The following SPAG16 variants were observed in gnomAD, a reference collection of about 807,000 sequenced individuals.
SPAG16 encodes the protein sperm-associated antigen 16 protein.
A neutral mutation model predicts 80.4 loss-of-function variants in SPAG16; 86 were observed. The observed-to-expected ratio is 1.07, with a 90% CI of 0.90 to 1.28. SPAG16 has a LOEUF of 1.28. Ranked by LOEUF, SPAG16 falls within the 50% of genes most tolerant of loss-of-function variation. The probability of loss-of-function intolerance (pLI) is 0.00; values close to 1 mark genes in which losing one functional copy is unlikely to be tolerated. For synonymous variants in SPAG16, 294 were observed against 265.9 expected, an observed-to-expected ratio of 1.11 and a Z score of -1.03; for missense variants, 870 against 765.3, an observed-to-expected ratio of 1.14 and a Z score of -1.61.
chr2:213,898,348 G>C (rs1312942669), intron 11 of SPAG16, among the ~76,000 whole-genome samples: 2 of 152,156 alleles, frequency 1.3e-5, no homozygotes, highest in Non-Finnish European at 2.9e-5. Flanking sequence ...CTTTGGGTAA[G>C]GAATTCACAC....
At chr2:213,483,575 G>C (rs1371687329) in intron 9 of SPAG16, among the ~76,000 whole-genome samples, 1 of 152,166 alleles carries the variant, frequency 6.6e-6, no homozygotes, top group Admixed American at 6.5e-5. Context: ...GAATCACCTA[G>C]AAAGCTCACT....
chr2:213,331,414 C>G (rs1297709781), intron 5 of SPAG16, among the ~76,000 whole-genome samples: 1 of 152,134 alleles, frequency 6.6e-6, no homozygotes, highest in African/African-American at 2.4e-5. Context: ...TATATATGCA[C>G]CCAACACTGG....
intron 10 of SPAG16, among the ~76,000 whole-genome samples, chr2:213,764,798 T>C (rs1161829365): frequency 1.3e-5 from 2 of 152,210 alleles, no homozygotes; most frequent in Non-Finnish European, 2.9e-5. Flanking sequence ...AAGTATGTAA[T>C]ATATTCAATA....
At chr2:213,351,685 T>G (rs540090821) in intron 7 of SPAG16, among the ~76,000 whole-genome samples, 3 of 152,338 alleles carry the variant, frequency 2.0e-5, no homozygotes, top group Admixed American at 6.5e-5. Flanking sequence ...GCTTACATGA[T>G]GATAATACTC....
chr2:213,983,197 T>C (rs2045849336), intron 12 of SPAG16, among the ~76,000 whole-genome samples: 1 of 152,000 alleles, frequency 6.6e-6, no homozygotes, highest in Admixed American at 6.6e-5. Flanking sequence ...GTTTTACAAA[T>C]ATATGATTGA....
intron 11 of SPAG16, among the ~76,000 whole-genome samples, chr2:213,907,618 A>G (rs1442478291): frequency 1.3e-5 from 2 of 152,174 alleles, no homozygotes; most frequent in Non-Finnish European, 2.9e-5. Flanking sequence ...CAATAAATCA[A>G]CCTAAATGTC....
At chr2:213,710,903 A>G (rs1421331069) in intron 10 of SPAG16, among the ~76,000 whole-genome samples, 1 of 152,184 alleles carries the variant, frequency 6.6e-6, no homozygotes, top group African/African-American at 2.4e-5. Context: ...TTGTTTCCTC[A>G]TCACATGCTA....
intron 15 of SPAG16, among the ~76,000 whole-genome samples, chr2:214,405,215 T>A (rs2126153257): frequency 6.6e-6 from 1 of 152,106 alleles, no homozygotes. Flanking sequence ...CTTGAACTCC[T>A]GGACTCCAGC....
intron 14 of SPAG16, among the ~76,000 whole-genome samples, chr2:214,112,749 C>T (rs761289288): frequency 1.3e-5 from 2 of 151,060 alleles, no homozygotes; most frequent in Non-Finnish European, 2.9e-5. Context: ...GAATACAGCA[C>T]ACTGATGGCT....
At chr2:213,942,038 A>AT (rs201384174) in intron 12 of SPAG16, among the ~76,000 whole-genome samples, 241 of 151,882 alleles carry the variant, frequency 1.6e-3, no homozygotes, top group Middle Eastern at 0.01. Context: ...TGTTTACACC[A>AT]TTTTTTTTGC....
chr2:213,691,733 G>A (rs992859551), intron 10 of SPAG16, among the ~76,000 whole-genome samples: 3 of 152,092 alleles, frequency 2.0e-5, no homozygotes, highest in Admixed American at 1.3e-4. Flanking sequence ...CATACTATAT[G>A]ATTTGTGATT....
At chr2:214,241,565 T>C (rs1190841963) in intron 15 of SPAG16, among the ~76,000 whole-genome samples, 1 of 152,142 alleles carries the variant, frequency 6.6e-6, no homozygotes, top group African/African-American at 2.4e-5. Flanking sequence ...ATAAATTCCT[T>C]AGTGACGTTT....
intron 15 of SPAG16, among the ~76,000 whole-genome samples, chr2:214,230,704 A>T (rs76234439): frequency 0.023 from 3,475 of 152,018 alleles, 88 homozygotes; most frequent in African/African-American, 0.06. Flanking sequence ...ATTCTTGGAC[A>T]ATTTCCAAAA....
chr2:213,786,124 TTACTC>T (rs1293930200), intron 10 of SPAG16, among the ~76,000 whole-genome samples: 1 of 152,248 alleles, frequency 6.6e-6, no homozygotes, highest in African/African-American at 2.4e-5. Context: ...GATATAATAT[TTACTC>T]TATTTCTCTG....
chr2:213,468,515 A>G (rs1040444481), intron 9 of SPAG16, among the ~76,000 whole-genome samples: 1 of 130,528 alleles, frequency 7.7e-6, no homozygotes, highest in Admixed American at 7.5e-5. Flanking sequence ...ATATATATAT[A>G]TCTATGTATT....
chr2:214,257,028 C>A (rs6741126), intron 15 of SPAG16, among the ~76,000 whole-genome samples: 1 of 151,718 alleles, frequency 6.6e-6, no homozygotes, highest in Admixed American at 6.6e-5. Context: ...ATCTTGCAAT[C>A]CGTGGAAATG....
chr2:213,719,275 G>C (rs2066402528), intron 10 of SPAG16, among the ~76,000 whole-genome samples: 1 of 145,016 alleles, frequency 6.9e-6, no homozygotes, highest in African/African-American at 2.6e-5. Flanking sequence ...CTAGCTCAAG[G>C]ATTGTAAATA....
rs144170854 is a variant in SPAG16, at chr2:213,626,833, A to C, written c.1070+136743A>C. Among the ~76,000 whole-genome samples the C allele has an allele frequency of 4.9e-4, 75 of 152,004 alleles. No homozygotes were observed. The East Asian group carries it at 8.3e-3, about 17-fold the overall frequency. On this transcript the variant is annotated intron_variant, in intron 10 of 15. Coordinates refer to ENST00000331683, the MANE Select transcript of SPAG16 (RefSeq NM_024532.5). ...TGGCTACTTTTTGTAATTTTAATAG[A>C]GACGGTGTTTCACCATGTTGGCCAG... is the stretch of plus-strand genomic sequence containing the variant.
At chr2:214,062,211 G>C (rs1559748943) in intron 13 of SPAG16, among the ~76,000 whole-genome samples, 1 of 151,988 alleles carries the variant, frequency 6.6e-6, no homozygotes, top group Non-Finnish European at 1.5e-5. Context: ...CTTGAGGTCA[G>C]GAGTTCGAGA....
Sources: gnomAD v4.1 joint callset for allele counts (sites outside exome capture counted in the v4.1 genomes callset) on GRCh38, gnomAD v4.1.1 for gene constraint, MANE v1.5 for transcripts, NCBI Gene and HGNC (gene_info 2026-07-23, HGNC 2026-07-21) for gene names.